Variants in EYS observed in about 807,000 individuals in gnomAD.
EYS encodes protein eyes shut homolog.
A neutral mutation model predicts 282.1 loss-of-function variants in EYS; 250 were observed. The ratio of observed to expected loss-of-function variants is 0.89; its 90% CI spans 0.80 to 0.98. EYS has a LOEUF of 0.98. EYS is among the 50% of genes least tolerant of loss of function. The probability of loss-of-function intolerance (pLI) is 0.00; values close to 1 mark genes in which losing one functional copy is unlikely to be tolerated. For synonymous variants in EYS, 1,355 were observed against 1,282.9 expected, an observed-to-expected ratio of 1.06 and a Z score of -1.20; for missense variants, 4,016 against 3,709.0, an observed-to-expected ratio of 1.08 and a Z score of -2.15.
intron 2 of EYS, among the ~76,000 whole-genome samples, chr6:65,595,050 T>C (rs1173685618): frequency 6.6e-6 from 1 of 152,134 alleles, no homozygotes; most frequent in Non-Finnish European, 1.5e-5. Flanking sequence ...AGTACCATGC[T>C]GTTTTGGTTA....
chr6:63,882,994 A>G (rs992782316), intron 35 of EYS, among the ~76,000 whole-genome samples: 3 of 152,164 alleles, frequency 2.0e-5, no homozygotes, highest in African/African-American at 4.8e-5. Context: ...CTTAACCATA[A>G]TTAGTGTGAT....
intron 42 of EYS, among the ~76,000 whole-genome samples, chr6:63,723,975 T>A (rs1350103440): frequency 6.6e-6 from 1 of 152,006 alleles, no homozygotes; most frequent in Non-Finnish European, 1.5e-5. Context: ...GGCCGGCTAA[T>A]TTTTGTATTT....
At chr6:64,032,420 A>G (rs113083299) in intron 33 of EYS, among the ~76,000 whole-genome samples, 6 of 152,292 alleles carry the variant, frequency 3.9e-5, no homozygotes, top group African/African-American at 1.4e-4. Flanking sequence ...AAAGGGAAAA[A>G]CTTTTTCTAT....
At chr6:63,967,328 G>A (rs1766356378) in intron 35 of EYS, among the ~76,000 whole-genome samples, 1 of 152,224 alleles carries the variant, frequency 6.6e-6, no homozygotes, top group Non-Finnish European at 1.5e-5. Context: ...TTGGACTGCA[G>A]TTGACTGCCA....
chr6:64,610,972 C>CT (rs1015250251), intron 24 of EYS, among the ~76,000 whole-genome samples: 1 of 152,018 alleles, frequency 6.6e-6, no homozygotes, highest in East Asian at 1.9e-4. Context: ...ATCCCTCCAT[C>CT]TTTTTCCCCC....
At chr6:65,630,364 GGAAACAGGA>G (rs1181765707) in intron 2 of EYS, among the ~76,000 whole-genome samples, 1 of 152,168 alleles carries the variant, frequency 6.6e-6, no homozygotes, top group East Asian at 1.9e-4. Flanking sequence ...CCCCGCCTGG[GGAAACAGGA>G]GAAACAGGAG....
chr6:64,449,670 C>G (rs577672492), intron 26 of EYS, among the ~76,000 whole-genome samples: 2 of 152,310 alleles, frequency 1.3e-5, no homozygotes, highest in East Asian at 3.9e-4. Flanking sequence ...CACAGAAACT[C>G]TACAAGCCAG....
At chr6:65,560,493 CT>C (rs1199272351) in intron 2 of EYS, among the ~76,000 whole-genome samples, 1 of 148,928 alleles carries the variant, frequency 6.7e-6, no homozygotes, top group Non-Finnish European at 1.5e-5. Context: ...TATTTTGTAA[CT>C]TTCACTTCAA....
At chr6:64,752,531 T>TC (rs1176953936) in intron 22 of EYS, among the ~76,000 whole-genome samples, 1 of 151,988 alleles carries the variant, frequency 6.6e-6, no homozygotes, top group East Asian at 1.9e-4. Context: ...ATCTTATGAG[T>TC]CATAGGTATT....
At chr6:65,052,436 T>G (rs1773299137) in intron 13 of EYS, among the ~76,000 whole-genome samples, 1 of 151,648 alleles carries the variant, frequency 6.6e-6, no homozygotes, top group Non-Finnish European at 1.5e-5. Flanking sequence ...GTGCTGGGCA[T>G]AGAGGGCTTT....
intron 14 of EYS, among the ~76,000 whole-genome samples, chr6:64,995,299 G>C (rs1330485293): frequency 6.6e-6 from 1 of 152,058 alleles, no homozygotes; most frequent in African/African-American, 2.4e-5. Context: ...AACTCCAATG[G>C]GAGAATACAC....
intron 31 of EYS, among the ~76,000 whole-genome samples, chr6:64,121,503 CCG>C (rs1773588069): frequency 6.6e-6 from 1 of 152,182 alleles, no homozygotes; most frequent in Non-Finnish European, 1.5e-5. Flanking sequence ...GGACTCATAA[CCG>C]TTATGTTTAA....
intron 31 of EYS, among the ~76,000 whole-genome samples, chr6:64,226,193 CT>C (rs930858432): frequency 2.6e-5 from 4 of 152,088 alleles, no homozygotes; most frequent in African/African-American, 9.7e-5. Context: ...CTCTTGTACA[CT>C]TTTAATATAT....
At chr6:64,016,140 A>G (rs1359130816) in intron 33 of EYS, among the ~76,000 whole-genome samples, 3 of 152,214 alleles carry the variant, frequency 2.0e-5, no homozygotes, top group Non-Finnish European at 4.4e-5. Context: ...GACTGGAATA[A>G]CATGTTTCAA....
intron 28 of EYS, among the ~76,000 whole-genome samples, chr6:64,391,513 TC>T (rs1189849100): frequency 1.1e-4 from 17 of 151,958 alleles, no homozygotes; most frequent in African/African-American, 4.1e-4. Context: ...GAATTTCATA[TC>T]CAGCCAAACT....
intron 12 of EYS, among the ~76,000 whole-genome samples, chr6:65,105,672 A>G (rs543979884): frequency 5.9e-5 from 9 of 152,010 alleles, no homozygotes; most frequent in African/African-American, 2.2e-4. Context: ...ATAAAGGGCA[A>G]GAGAGATGGG....
At chr6:63,978,812 C>T (rs556933698) in intron 35 of EYS, among the ~76,000 whole-genome samples, 17 of 151,890 alleles carry the variant, frequency 1.1e-4, no homozygotes, top group African/African-American at 3.6e-4. Context: ...TTTTGAAGTG[C>T]TAAATGAGTT....
chr6:65,103,535 T>A (rs1025439882), intron 12 of EYS, among the ~76,000 whole-genome samples: 1 of 151,464 alleles, frequency 6.6e-6, no homozygotes, highest in Non-Finnish European at 1.5e-5. Flanking sequence ...AACATCCTGA[T>A]GGGACCCATG....
intron 22 of EYS, among the ~76,000 whole-genome samples, chr6:64,795,411 T>C (rs80042610): frequency 6.6e-6 from 1 of 151,972 alleles, no homozygotes; most frequent in Non-Finnish European, 1.5e-5. Flanking sequence ...AGGAACACCA[T>C]TCTTGGTTGG....
Sources: gnomAD v4.1 joint callset for allele counts (sites outside exome capture counted in the v4.1 genomes callset) on GRCh38, gnomAD v4.1.1 for gene constraint, MANE v1.5 for transcripts, NCBI Gene and HGNC (gene_info 2026-07-23, HGNC 2026-07-21) for gene names.